The following CIZ1 variants were observed in gnomAD, a reference collection of about 807,000 sequenced individuals.
CIZ1 encodes the protein CDKN1A interacting zinc finger protein 1, also known as cip1-interacting zinc finger protein.
In CIZ1, 58 loss-of-function variants were observed where a neutral mutation model predicts 118.6. The ratio of observed to expected loss-of-function variants is 0.49; its 90% CI spans 0.40 to 0.61. The LOEUF (loss-of-function observed/expected upper bound fraction) is 0.61, where lower values mean the gene tolerates loss of function less well. Among genes scored for constraint, CIZ1 ranks in the 20% least tolerant of loss-of-function variants. The pLI is 0.00. For missense variants in CIZ1, 921 were observed against 1,115.9 expected (o/e 0.83, Z 2.49); for synonymous variants, 448 against 443.4 (o/e 1.01, Z -0.13).
Position 128,185,715 on chromosome 9 carries a change from TGGGGGTGTGAGGCTG to T in CIZ1, c.405_419del (p.Ser136_Pro140del). 4 of 1,611,684 alleles carry T rather than the reference TGGGGGTGTGAGGCTG, an allele frequency of 2.5e-6. No homozygotes were observed. The highest frequency in any genetic ancestry group is 2.5e-6 in the Non-Finnish European group (3 of 1,178,900). On this transcript the variant is annotated inframe_deletion, in exon 5 of 17. Coordinates refer to ENST00000372938, the MANE Select transcript of CIZ1 (RefSeq NM_001131016.2). ...GTTGCAAATTTGGAGTGGCCAGTTG[TGGGGGTGTGAGGCTG>T]GGGGCTGCGAGGCCTGGGGATGCCA...
At position 128,201,263 on chromosome 9, in the gene CIZ1, G is replaced by A. The variant is rs536605739; in HGVS notation, c.-6+2923C>T. The stretch of plus-strand genomic sequence containing the variant: ...AGCCTGGGTAACAGAGCGAGATTCC[G>A]TCTCAAAAAACAAACAAACAAACAA... On this transcript the variant is annotated intron_variant, in intron 1 of 17. Transcript: ENST00000372948. 4.7e-5 allele frequency among the ~76,000 whole-genome samples: 7 copies of A among 149,868 alleles called. No homozygotes were observed. The South Asian group carries it at 1.1e-3, about 23-fold the overall frequency.
intron 11 of CIZ1, among the ~76,000 whole-genome samples, chr9:128,174,788 A>T (rs1194552874): frequency 6.6e-6 from 1 of 152,134 alleles, no homozygotes; most frequent in Non-Finnish European, 1.5e-5. Context: ...CCTCCCGAGT[A>T]GCTGGGATCA....
intron 4 of CIZ1, 79 bp from the exon 5 acceptor site, chr9:128,185,855 G>T: frequency 1.1e-6 from 1 of 943,180 alleles, no homozygotes; most frequent in South Asian, 1.4e-5. Flanking sequence ...CAGTGCCCCA[G>T]AGCATCATGG....
rs1189076560 is a variant in CIZ1, at chr9:128,166,701, G to A, written c.2487+58C>T. Reference sequence around the variant, plus strand: ...GAGTGGCCACTAGCCACCCGAATCAGCTTGGATTAAGACTAAGTCTGTGGC... The same window carrying A: ...GAGTGGCCACTAGCCACCCGAATCAACTTGGATTAAGACTAAGTCTGTGGC... On this transcript the variant is annotated intron_variant, in intron 16 of 16. Transcript: ENST00000372938. The surrounding 1 kb of genome is among the most constrained non-coding windows in gnomAD (Gnocchi z 4.4). 1 of 1,611,238 alleles carries A rather than the reference G, an allele frequency of 6.2e-7. No individual in the cohort carries two copies. The highest frequency in any genetic ancestry group is 8.5e-7 in the Non-Finnish European group (1 of 1,177,860).
At chr9:128,180,164 C>T (rs139328257) in intron 7 of CIZ1, among the ~76,000 whole-genome samples, 2 of 152,300 alleles carry the variant, frequency 1.3e-5, no homozygotes, top group Non-Finnish European at 2.9e-5. Flanking sequence ...AACGTCTTCA[C>T]CCCTCCCACG....
intron 8 of CIZ1, 85 bp downstream of exon 8, chr9:128,178,624 A>T: frequency 6.3e-7 from 1 of 1,579,886 alleles, no homozygotes; most frequent in Non-Finnish European, 8.6e-7. Flanking sequence ...CCTCAGTCCC[A>T]GGCAGCACCC....
intron 3 of CIZ1, 58 bp from the exon 4 acceptor site, chr9:128,187,992 G>T: frequency 2.3e-6 from 1 of 439,408 alleles, no homozygotes; most frequent in South Asian, 2.2e-5. Flanking sequence ...CATCCCCCCT[G>T]ACTCAGTGAG....
intron 11 of CIZ1, among the ~76,000 whole-genome samples, chr9:128,172,992 T>G (rs1830328612): frequency 6.6e-6 from 1 of 152,104 alleles, no homozygotes; most frequent in African/African-American, 2.4e-5. Flanking sequence ...AATCAGACTT[T>G]AAAGCAGCTT....
intron 5 of CIZ1, among the ~76,000 whole-genome samples, chr9:128,181,376 A>G (rs577019903): frequency 2.6e-5 from 4 of 152,380 alleles, no homozygotes; most frequent in Admixed American, 2.0e-4. Flanking sequence ...CAAGAGACAG[A>G]GGACACGAGC....
intron 11 of CIZ1, among the ~76,000 whole-genome samples, chr9:128,171,943 A>G (rs759536150): frequency 3.4e-4 from 52 of 151,878 alleles, no homozygotes; most frequent in Admixed American, 2.8e-3. Flanking sequence ...ACAAATGTCA[A>G]TGACAAGGGC....
At position 128,182,189 on chromosome 9, in the gene CIZ1, C is replaced by T. The variant is rs552592689; in HGVS notation, c.589-1375G>A. 2.8e-3 allele frequency among the ~76,000 whole-genome samples: 421 copies of T among 152,174 alleles called. 4 individuals are homozygous for T. The Middle Eastern group carries it at 0.031, about 11-fold the overall frequency. ...CTGCCTTGTATCCAATAAATAACAGCGCAGCCCGACATTCGGGGCCACTAC... is the reference window on the plus strand; with the variant it reads ...CTGCCTTGTATCCAATAAATAACAGTGCAGCCCGACATTCGGGGCCACTAC... On this transcript the variant is annotated intron_variant, in intron 5 of 16. Coordinates refer to ENST00000372938, the MANE Select transcript of CIZ1 (RefSeq NM_001131016.2).
intron 15 of CIZ1, 42 bp downstream of exon 15, chr9:128,167,053 G>A: frequency 6.3e-7 from 1 of 1,581,552 alleles, no homozygotes; most frequent in Non-Finnish European, 8.6e-7. Context: ...CTGGGCCCAA[G>A]GGCTGAAGCT....
rs145457137 is a variant in CIZ1 at position 128,201,197 on chromosome 9, G to A, written c.-6+2989C>T. ...GCAGGAGAATTGCTTGAACCCAGGA[G>A]GTGGAGGTTGCAGTGAGCCAAGATC... On this transcript the variant is annotated intron_variant, in intron 1 of 17. Coordinates refer to the CIZ1 transcript ENST00000372948. Among the ~76,000 whole-genome samples the A allele has an allele frequency of 4.0e-3, 605 of 152,172 alleles. 7 individuals are homozygous for A. The highest frequency in any genetic ancestry group is 0.014 in the African/African-American group (573 of 41,446).
intron 5 of CIZ1, among the ~76,000 whole-genome samples, chr9:128,184,279 G>T (rs763462661): frequency 6.6e-6 from 1 of 152,114 alleles, no homozygotes; most frequent in Non-Finnish European, 1.5e-5. Flanking sequence ...ACACCAGATT[G>T]TGAAGATTTT....
intron 1 of CIZ1, among the ~76,000 whole-genome samples, chr9:128,201,802 G>A (rs776832265): frequency 6.6e-6 from 1 of 152,212 alleles, no homozygotes; most frequent in Non-Finnish European, 1.5e-5. Context: ...GTTCAGAGAC[G>A]TGGAGGGACC....
chr9:128,182,799 T>A (rs1454132903), intron 5 of CIZ1, among the ~76,000 whole-genome samples: 1 of 152,088 alleles, frequency 6.6e-6, no homozygotes, highest in Middle Eastern at 3.4e-3. Flanking sequence ...TTTTTTTTTT[T>A]CTTCCATAGA....
chr9:128,196,989 T>C (rs1272090939), intron 1 of CIZ1: 4 of 152,228 alleles, frequency 2.6e-5, no homozygotes, highest in African/African-American at 9.6e-5. Context: ...ATGGTAGCTA[T>C]TATTGCTATT....
rs554103543 is a variant in CIZ1, at chr9:128,166,479, C to T, written c.2488-73G>A. On this transcript the variant is annotated intron_variant, in intron 16 of 16. Transcript: ENST00000372938. The surrounding 1 kb of genome is among the most constrained non-coding windows in gnomAD (Gnocchi z 4.4). ...TATGCTCCTGGCCAGCAGCTACTTC[C>T]CCAGCTCTGGCTGAGACAGTATTAG... 13 of 1,240,660 alleles carry T rather than the reference C, an allele frequency of 1.0e-5. No individual in the cohort carries two copies. The African/African-American group carries it at 2.0e-4, about 19-fold the overall frequency. The allele number at this position is 1,240,660 out of a possible 1,614,324, so 76.9% of individuals were successfully genotyped here. A position where few individuals can be genotyped will look rare whatever the true frequency, so the allele number is the denominator to read the frequency against.
intron 1 of CIZ1, among the ~76,000 whole-genome samples, chr9:128,200,672 A>G (rs540997431): frequency 6.9e-6 from 1 of 144,930 alleles, no homozygotes; most frequent in South Asian, 2.2e-4. Context: ...AAAAAAAAAG[A>G]AAGAAATACA....
Sources: allele counts gnomAD v4.1 joint callset (sites outside exome capture counted in the v4.1 genomes callset), GRCh38; gene constraint gnomAD v4.1.1; non-coding constraint Gnocchi (gnomAD v3.1); transcripts MANE v1.5; gene names NCBI Gene and HGNC (gene_info 2026-07-23, HGNC 2026-07-21).